The following KIF13B variants were observed in gnomAD, a reference collection of about 807,000 sequenced individuals.
KIF13B encodes kinesin-like protein KIF13B.
Under a neutral mutation model 222.0 loss-of-function variants are expected in KIF13B, and 127 were observed. The ratio of observed to expected loss-of-function variants is 0.57; its 90% confidence interval spans 0.50 to 0.66. The LOEUF (loss-of-function observed/expected upper bound fraction) is 0.66. Ranked by LOEUF, KIF13B falls within the 30% of genes least tolerant of loss-of-function variation. The pLI is 0.00. For missense variants in KIF13B, 2,173 were observed against 2,379.0 expected, an observed-to-expected ratio of 0.91 and a Z score of 1.80; for synonymous variants, 976 against 919.0, an observed-to-expected ratio of 1.06 and a Z score of -1.12.
At chr8:29,161,226 G>C (rs1014415027) in intron 12 of KIF13B, among the ~76,000 whole-genome samples, 3 of 152,124 alleles carry the variant, frequency 2.0e-5, no homozygotes, top group Non-Finnish European at 2.9e-5. Flanking sequence ...AAAAGCAAAG[G>C]AGGATCAATA....
At chr8:29,073,121 A>G in intron 38 of KIF13B, among the ~76,000 whole-genome samples, 1 of 28,196 alleles carries the variant, frequency 3.5e-5, no homozygotes, top group Non-Finnish European at 6.8e-5. Flanking sequence ...GGGGACGAGG[A>G]GGGGGACGAG....
Position 29,109,491 on chromosome 8 carries a change from C to T in KIF13B, c.4104G>A (p.Gln1368=). 6.8e-6 allele frequency: 11 copies of T among 1,613,854 alleles called. No individual in the cohort carries two copies. Among genetic ancestry groups the T allele is most frequent in the Non-Finnish European group, 9.3e-6 (11 of 1,179,728 alleles). Residue 1368 remains glutamine, a synonymous_variant, in exon 34 of 40, where the codon CAG becomes CAA. Transcript: ENST00000524189. ...RLRQEVAVKE[Q]LTGKGKLSRR... Reference sequence around the variant, plus strand: ...TGCTCAACTTTCCTTTTCCTGTTAACTGTTCCTTCACTGCAACTTCCTGTG... The same window carrying T: ...TGCTCAACTTTCCTTTTCCTGTTAATTGTTCCTTCACTGCAACTTCCTGTG...
chr8:29,253,865 G>C (rs1448055089), intron 1 of KIF13B, among the ~76,000 whole-genome samples: 1 of 141,340 alleles, frequency 7.1e-6, no homozygotes, highest in Non-Finnish European at 1.5e-5. Context: ...ACCCGCTTAA[G>C]GCAGAACTAG....
intron 37 of KIF13B, among the ~76,000 whole-genome samples, chr8:29,086,434 T>C (rs1408312346): frequency 6.6e-6 from 1 of 152,082 alleles, no homozygotes; most frequent in Non-Finnish European, 1.5e-5. Flanking sequence ...GGTTAGAGGA[T>C]CACCTGAGCC....
intron 5 of KIF13B, among the ~76,000 whole-genome samples, chr8:29,188,195 T>A (rs577457103): frequency 6.6e-6 from 1 of 152,342 alleles, no homozygotes; most frequent in African/African-American, 2.4e-5. Context: ...GTATTTTATC[T>A]GTTATGGTTC....
At chr8:29,221,036 A>G (rs2033097538) in intron 2 of KIF13B, among the ~76,000 whole-genome samples, 1 of 151,494 alleles carries the variant, frequency 6.6e-6, no homozygotes, top group Non-Finnish European at 1.5e-5. Flanking sequence ...CACCTACTCA[A>G]GAGGCTGCTG....
At chr8:29,193,495 T>C (rs914237822) in intron 3 of KIF13B, among the ~76,000 whole-genome samples, 6 of 152,234 alleles carry the variant, frequency 3.9e-5, no homozygotes, top group Admixed American at 3.9e-4. Context: ...TTTCCACGCT[T>C]ATCTCCATAA....
chr8:29,242,281 C>A (rs1310482083), intron 2 of KIF13B, among the ~76,000 whole-genome samples: 1 of 152,036 alleles, frequency 6.6e-6, no homozygotes, highest in Non-Finnish European at 1.5e-5. Flanking sequence ...AAACCCCAAA[C>A]AAACAAAAAA....
intron 14 of KIF13B, among the ~76,000 whole-genome samples, chr8:29,152,900 A>AAT (rs1335167109): frequency 6.6e-6 from 1 of 152,206 alleles, no homozygotes; most frequent in Non-Finnish European, 1.5e-5. Flanking sequence ...TAAGTTAAGG[A>AAT]ATATATATTA....
chr8:29,184,587 G>T (rs1262089063), intron 6 of KIF13B, among the ~76,000 whole-genome samples: 1 of 152,134 alleles, frequency 6.6e-6, no homozygotes, highest in Non-Finnish European at 1.5e-5. Flanking sequence ...CAAATCCGAA[G>T]CTCTTCAGAA....
intron 36 of KIF13B, among the ~76,000 whole-genome samples, chr8:29,096,512 C>T (rs1362695563): frequency 6.6e-6 from 1 of 151,636 alleles, no homozygotes; most frequent in East Asian, 1.9e-4. Flanking sequence ...GTTGCCCAGG[C>T]TGGTCTCAAC....
chr8:29,179,039 T>C (rs1238334669), intron 8 of KIF13B, among the ~76,000 whole-genome samples: 2 of 152,224 alleles, frequency 1.3e-5, no homozygotes, highest in East Asian at 3.8e-4. Context: ...AGTGATTTTA[T>C]AGTACAATTG....
intron 2 of KIF13B, among the ~76,000 whole-genome samples, chr8:29,204,152 C>T (rs564626780): frequency 1.3e-5 from 2 of 152,246 alleles, no homozygotes; most frequent in South Asian, 4.1e-4. Context: ...TCCACCCACA[C>T]AAACAACAAC....
intron 37 of KIF13B, among the ~76,000 whole-genome samples, chr8:29,083,993 C>T (rs7816120): frequency 0.025 from 3,870 of 152,244 alleles, 66 homozygotes; most frequent in Non-Finnish European, 0.037. Context: ...CGGCTCACTG[C>T]AACCTCCGCC....
chr8:29,213,751 C>A (rs908074090), intron 2 of KIF13B, among the ~76,000 whole-genome samples: 1 of 151,632 alleles, frequency 6.6e-6, no homozygotes, highest in Non-Finnish European at 1.5e-5. Context: ...GAGTTCGAAA[C>A]GAGCCTGGCC....
intron 5 of KIF13B, among the ~76,000 whole-genome samples, chr8:29,187,665 A>G (rs1258816894): frequency 6.6e-6 from 1 of 152,260 alleles, no homozygotes; most frequent in Non-Finnish European, 1.5e-5. Flanking sequence ...ACACTTAAGT[A>G]TAATTCCTTC....
At chr8:29,219,706 T>C (rs188078662) in intron 2 of KIF13B, among the ~76,000 whole-genome samples, 482 of 152,100 alleles carry the variant, frequency 3.2e-3, no homozygotes, top group Non-Finnish European at 5.6e-3. Context: ...TGAGCCAAGA[T>C]TGTGTCACTG....
chr8:29,209,083 A>C (rs1185979911), intron 2 of KIF13B, among the ~76,000 whole-genome samples: 2 of 152,238 alleles, frequency 1.3e-5, no homozygotes, highest in African/African-American at 4.8e-5. Context: ...ACTGAGGATC[A>C]AATGTAAATG....
At chr8:29,226,266 C>T (rs1213971268) in intron 2 of KIF13B, among the ~76,000 whole-genome samples, 1 of 152,022 alleles carries the variant, frequency 6.6e-6, no homozygotes. Context: ...GACTGTCTGG[C>T]ATGAAAGTAA....
Sources: gnomAD v4.1 joint callset for allele counts (sites outside exome capture counted in the v4.1 genomes callset) on GRCh38, gnomAD v4.1.1 for gene constraint, MANE v1.5 for transcripts, NCBI Gene and HGNC (gene_info 2026-07-23, HGNC 2026-07-21) for gene names.